The following MON1A variants were observed in gnomAD, a reference collection of about 807,000 sequenced individuals.
The protein encoded by MON1A is vacuolar fusion protein MON1 homolog A.
A neutral mutation model predicts 44.6 loss-of-function variants in MON1A; 29 were observed. The observed-to-expected ratio is 0.65, with a 90% CI of 0.48 to 0.89. MON1A has a LOEUF of 0.89. MON1A is among the 40% of genes least tolerant of loss of function. MON1A has a pLI of 0.00. For missense variants in MON1A, 615 were observed against 759.6 expected (o/e 0.81, Z 2.24); for synonymous variants, 275 against 316.4 (o/e 0.87, Z 1.39).
At chr3:49,926,260 C>T (rs1033138105) in intron 1 of MON1A, among the ~76,000 whole-genome samples, 7 of 152,160 alleles carry the variant, frequency 4.6e-5, no homozygotes, top group African/African-American at 1.7e-4. Context: ...TTTCCCCCTG[C>T]ACCCCACTTC....
intron 2 of MON1A, 114 bp from the exon 3 acceptor site, chr3:49,912,125 C>T: frequency 7.7e-7 from 1 of 1,300,456 alleles, no homozygotes; most frequent in Non-Finnish European, 1.0e-6. Flanking sequence ...AGGATCAAGC[C>T]ACTGTTCCCT....
rs968481057 is a variant in MON1A, at chr3:49,909,476, A to T, written c.1380-76T>A. 6.4e-7 allele frequency: 1 copy of T among 1,568,080 alleles called. No individual in the cohort carries two copies. Among genetic ancestry groups the T allele is most frequent in the African/African-American group, 1.4e-5 (1 of 73,642 alleles). On this transcript the variant is annotated intron_variant, in intron 4 of 5. Transcript: ENST00000296473. The surrounding 1 kb of genome is among the most constrained non-coding windows in gnomAD (Gnocchi z 4.0). ...CTTCTCTAGAGATTTAGAAACACCT[A>T]TTCCTATCCAGGAAGACTCTATCTT... is the stretch of plus-strand genomic sequence containing the variant.
intron 2 of MON1A, chr3:49,912,343 A>AC (rs999963456): frequency 2.2e-5 from 5 of 222,528 alleles, no homozygotes; most frequent in Admixed American, 5.6e-5. Flanking sequence ...CTTTCAACAC[A>AC]CCCCCACCTG....
In MON1A at chr3:49,910,705, G is replaced by C; in HGVS notation, c.793C>G (p.Arg265Gly). ...CGCTCTGAGCCCGAGAGTAGGCGCC[G>C]CAAATCATAGTTCTGCTTCTGCTGG... ...IFQQKQNYDL[R>G]RLLSGSERIT... Residue 265 changes from arginine to glycine, a missense_variant, in exon 4 of 6, where the codon CGG (arginine) becomes GGG (glycine). Transcript: ENST00000296473. The surrounding 1 kb of genome is among the most constrained non-coding windows in gnomAD (Gnocchi z 8.0). 6.2e-7 allele frequency: 1 copy of C among 1,613,074 alleles called. No individual in the cohort carries two copies. The highest frequency in any genetic ancestry group is 8.5e-7 in the Non-Finnish European group (1 of 1,179,520).
intron 1 of MON1A, among the ~76,000 whole-genome samples, chr3:49,920,986 G>C (rs1216823226): frequency 6.6e-6 from 1 of 150,930 alleles, no homozygotes; most frequent in Admixed American, 6.6e-5. Context: ...GGCAAACCCT[G>C]CCTCTACAAA....
At chr3:49,919,476 C>CA (rs2082977038) in intron 1 of MON1A, among the ~76,000 whole-genome samples, 1 of 152,138 alleles carries the variant, frequency 6.6e-6, no homozygotes, top group South Asian at 2.1e-4. Context: ...GTTTTACACC[C>CA]AAAGATCTTT....
intron 1 of MON1A, among the ~76,000 whole-genome samples, chr3:49,927,191 C>T (rs1474929087): frequency 6.6e-6 from 1 of 152,116 alleles, no homozygotes; most frequent in East Asian, 1.9e-4. Context: ...CTCTGGAAAC[C>T]CCTGCCTGTG....
At chr3:49,925,760 T>C (rs1339265661) in intron 1 of MON1A, among the ~76,000 whole-genome samples, 1 of 151,990 alleles carries the variant, frequency 6.6e-6, no homozygotes, top group Non-Finnish European at 1.5e-5. Context: ...CAATGGAAAA[T>C]ATATTAAGTT....
chr3:49,914,435 G>A (rs933704260), intron 1 of MON1A, among the ~76,000 whole-genome samples: 8 of 151,656 alleles, frequency 5.3e-5, no homozygotes, highest in African/African-American at 1.9e-4. Context: ...GAGCAGTGGC[G>A]TGATCTTGGC....
Position 49,911,706 on chromosome 3 carries a change from C to T in MON1A, c.433G>A (p.Glu145Lys). ...PREGTTEGDE[E>K]DATEAWRLHQ... ...AGGCGCCATGCCTCCGTGGCATCCT[C>T]CTCATCCCCCTCGGTTGTGCCCTCC... Residue 145 changes from glutamate to lysine, a missense_variant, in exon 3 of 6, where the codon GAG (glutamate) becomes AAG (lysine). By Grantham distance (56) the Glu-to-Lys change is moderately conservative. Coordinates refer to ENST00000296473, the MANE Select transcript of MON1A (RefSeq NM_032355.4). This position sits in a 1 kb window ranked among gnomAD's most constrained non-coding sequence, Gnocchi z 5.7. 6.2e-7 allele frequency: 1 copy of T among 1,614,072 alleles called. No individual in the cohort carries two copies. The highest frequency in any genetic ancestry group is 8.5e-7 in the Non-Finnish European group (1 of 1,179,994).
At chr3:49,928,753 T>A (rs1296059338) in intron 1 of MON1A, among the ~76,000 whole-genome samples, 1 of 152,210 alleles carries the variant, frequency 6.6e-6, no homozygotes, top group African/African-American at 2.4e-5. Context: ...TATGGCTGCT[T>A]CAGCAGGATG....
At chr3:49,920,776 T>G (rs1205076376) in intron 1 of MON1A, 1 of 151,892 alleles carries the variant, frequency 6.6e-6, no homozygotes, top group Non-Finnish European at 1.5e-5. Context: ...AGGCGGAGGT[T>G]GCAGTGAGCC....
At chr3:49,922,455 C>G (rs892010390) in intron 1 of MON1A, among the ~76,000 whole-genome samples, 2 of 143,928 alleles carry the variant, frequency 1.4e-5, no homozygotes, top group African/African-American at 5.1e-5. Context: ...ACACTCCACC[C>G]TGGGTGACAG....
rs2082850023 is a variant in MON1A at position 49,909,504 on chromosome 3, G to C, written c.1380-104C>G. ...CCTATCCAGGAAGACTCTATCTTAT[G>C]TCCTACCCTCCAGGTGCTCCCTTAG... is the stretch of plus-strand genomic sequence containing the variant. On this transcript the variant is annotated intron_variant, in intron 4 of 5. Coordinates refer to ENST00000296473, the MANE Select transcript of MON1A (RefSeq NM_032355.4). This position sits in a 1 kb window ranked among gnomAD's most constrained non-coding sequence, Gnocchi z 4.0. 8 of 1,469,438 alleles carry C rather than the reference G, an allele frequency of 5.4e-6. No homozygotes were observed. In the Admixed American group the frequency reaches 1.5e-4, roughly 28 times the overall value. The allele number at this position is 1,469,438 out of a possible 1,614,324, so 91.0% of individuals were successfully genotyped here.
At chr3:49,928,197 A>G (rs1249863287) in intron 1 of MON1A, among the ~76,000 whole-genome samples, 3 of 152,212 alleles carry the variant, frequency 2.0e-5, no homozygotes, top group Non-Finnish European at 4.4e-5. Flanking sequence ...GAGATCATAC[A>G]GTATCTCAGC....
At chr3:49,924,083 T>C (rs1266213451) in intron 1 of MON1A, 1 of 149,362 alleles carries the variant, frequency 6.7e-6, no homozygotes, top group Non-Finnish European at 1.5e-5. Context: ...CTCTGTCTCA[T>C]AGGAAAAAAA....
Position 49,909,184 on chromosome 3 carries a change from G to A in MON1A, c.1528-30C>T, listed in dbSNP as rs1559490644. 2 of 1,611,106 alleles carry A rather than the reference G, an allele frequency of 1.2e-6. No homozygotes were observed. The highest frequency in any genetic ancestry group is 1.7e-6 in the Non-Finnish European group (2 of 1,178,022). ...AGAAGGGGCAAAGGGTCGTCATCTA[G>A]GTTAGAGGCCCCTCATGGCCCATAC... is the stretch of plus-strand genomic sequence containing the variant. On this transcript the variant is annotated intron_variant, in intron 5 of 5. Transcript: ENST00000296473. The surrounding 1 kb of genome is among the most constrained non-coding windows in gnomAD (Gnocchi z 4.0).
At chr3:49,918,350 C>T (rs1280859842) in intron 1 of MON1A, among the ~76,000 whole-genome samples, 4 of 149,072 alleles carry the variant, frequency 2.7e-5, no homozygotes, top group Non-Finnish European at 6.0e-5. Flanking sequence ...AAAAAAAGAA[C>T]AAAAAAAAAG....
chr3:49,909,160 G>A lies in MON1A; in HGVS notation c.1528-6C>T. ...AGCTCAAAGGCGCCTGTCACCTGGA[G>A]AAGGGGCAAAGGGTCGTCATCTAGG... On this transcript the variant is annotated splice_polypyrimidine_tract_variant and splice_region_variant and intron_variant, in intron 5 of 5. Transcript: ENST00000296473. The surrounding 1 kb of genome is among the most constrained non-coding windows in gnomAD (Gnocchi z 4.0). 1.2e-6 allele frequency: 2 copies of A among 1,609,780 alleles called. No homozygotes were observed. The highest frequency in any genetic ancestry group is 1.7e-6 in the Non-Finnish European group (2 of 1,176,830).
Sources: gnomAD v4.1 joint callset for allele counts (sites outside exome capture counted in the v4.1 genomes callset) on GRCh38, gnomAD v4.1.1 for gene constraint, Gnocchi (gnomAD v3.1) non-coding constraint, MANE v1.5 for transcripts, NCBI Gene and HGNC (gene_info 2026-07-23, HGNC 2026-07-21) for gene names.